The following SGCZ variants were observed in gnomAD, a reference collection of about 807,000 sequenced individuals.
SGCZ encodes zeta-sarcoglycan.
A neutral mutation model predicts 41.3 loss-of-function variants in SGCZ; 40 were observed. That is an observed-to-expected ratio of 0.97 (90% CI 0.75 to 1.26). The LOEUF is 1.26. Among genes scored for constraint, SGCZ ranks in the 50% most tolerant of loss-of-function variants. The pLI is 0.00. For missense variants in SGCZ, 552 were observed against 369.8 expected (o/e 1.49, Z -4.04); for synonymous variants, 206 against 137.5 (o/e 1.50, Z -3.49).
At chr8:14,954,637 G>A (rs1225870992) in intron 1 of SGCZ, among the ~76,000 whole-genome samples, 2 of 152,280 alleles carry the variant, frequency 1.3e-5, no homozygotes, top group Non-Finnish European at 2.9e-5. Context: ...GCAATGGGCA[G>A]CTTCCAGCCA....
At chr8:14,797,751 C>T (rs1202820354) in intron 1 of SGCZ, among the ~76,000 whole-genome samples, 1 of 152,118 alleles carries the variant, frequency 6.6e-6, no homozygotes, top group Non-Finnish European at 1.5e-5. Context: ...TAATGGTTTC[C>T]TGGGGTGGGT....
chr8:14,232,424 C>A (rs1163541423), intron 4 of SGCZ, among the ~76,000 whole-genome samples: 1 of 151,964 alleles, frequency 6.6e-6, no homozygotes, highest in Non-Finnish European at 1.5e-5. Context: ...ATAATAAATA[C>A]AAATATCACT....
intron 2 of SGCZ, among the ~76,000 whole-genome samples, chr8:14,474,169 A>G (rs1325172278): frequency 6.6e-6 from 1 of 152,198 alleles, no homozygotes; most frequent in Non-Finnish European, 1.5e-5. Context: ...TATTCTCTAA[A>G]TAAACAAACC....
chr8:14,209,516 T>C (rs1805728076), intron 4 of SGCZ, among the ~76,000 whole-genome samples: 1 of 152,120 alleles, frequency 6.6e-6, no homozygotes, highest in Non-Finnish European at 1.5e-5. Flanking sequence ...TCCTATTACA[T>C]AAGAAGTGCT....
chr8:14,278,138 G>A (rs749704865), intron 3 of SGCZ, among the ~76,000 whole-genome samples: 4 of 151,912 alleles, frequency 2.6e-5, no homozygotes, highest in African/African-American at 4.8e-5. Context: ...GTCTGGTTTG[G>A]CTAGCTCATT....
chr8:15,060,137 A>C (rs1180575788), intron 1 of SGCZ, among the ~76,000 whole-genome samples: 1 of 152,120 alleles, frequency 6.6e-6, no homozygotes, highest in Non-Finnish European at 1.5e-5. Flanking sequence ...TAGAACTAGA[A>C]ATACCATTTG....
chr8:14,346,039 A>C (rs551044062), intron 2 of SGCZ, among the ~76,000 whole-genome samples: 8 of 152,220 alleles, frequency 5.3e-5, no homozygotes, highest in African/African-American at 1.9e-4. Context: ...AACCCCCTAG[A>C]ATATACAACA....
intron 1 of SGCZ, among the ~76,000 whole-genome samples, chr8:15,168,467 C>T (rs544010374): frequency 1.3e-5 from 2 of 152,102 alleles, no homozygotes; most frequent in African/African-American, 2.4e-5. Context: ...TAGCTCCCCC[C>T]ACAACCCAAC....
At chr8:15,148,311 G>A (rs17471917) in intron 1 of SGCZ, among the ~76,000 whole-genome samples, 9,425 of 152,176 alleles carry the variant, frequency 0.062, 412 homozygotes, top group Non-Finnish European at 0.096. Flanking sequence ...AGTTGCTATC[G>A]GACATCAGGT....
At chr8:14,217,628 GTT>G (rs1168241820) in intron 4 of SGCZ, among the ~76,000 whole-genome samples, 1,952 of 100,760 alleles carry the variant, frequency 0.019, 23 homozygotes, top group African/African-American at 0.074. Context: ...TTCAACTAAA[GTT>G]TTTTTTTTTT....
intron 1 of SGCZ, among the ~76,000 whole-genome samples, chr8:14,749,224 T>C (rs973606218): frequency 2.0e-5 from 3 of 152,204 alleles, no homozygotes; most frequent in African/African-American, 7.2e-5. Flanking sequence ...TGATTTACTT[T>C]ATCACTGGAC....
intron 2 of SGCZ, among the ~76,000 whole-genome samples, chr8:14,457,829 G>C (rs1188390677): frequency 6.6e-6 from 1 of 152,108 alleles, no homozygotes; most frequent in African/African-American, 2.4e-5. Flanking sequence ...CTTCTGCCTT[G>C]TATCCAATAA....
intron 1 of SGCZ, among the ~76,000 whole-genome samples, chr8:15,016,529 G>A (rs546908961): frequency 5.9e-5 from 9 of 152,158 alleles, no homozygotes; most frequent in Non-Finnish European, 1.3e-4. Context: ...TCTTCCAGGG[G>A]CGTAGACCAG....
intron 3 of SGCZ, among the ~76,000 whole-genome samples, chr8:14,245,296 C>G (rs1203235718): frequency 1.3e-5 from 2 of 152,128 alleles, no homozygotes; most frequent in African/African-American, 4.8e-5. Context: ...CGCCGCATAT[C>G]TACAACTATC....
intron 2 of SGCZ, among the ~76,000 whole-genome samples, chr8:14,498,211 T>C (rs936577208): frequency 6.6e-6 from 1 of 152,232 alleles, no homozygotes; most frequent in Non-Finnish European, 1.5e-5. Flanking sequence ...CTGATAACTT[T>C]GTATGCCAGC....
intron 4 of SGCZ, among the ~76,000 whole-genome samples, chr8:14,200,685 A>T (rs1258696832): frequency 6.6e-6 from 1 of 152,210 alleles, no homozygotes; most frequent in African/African-American, 2.4e-5. Context: ...AATAGATTAT[A>T]AACTAGAAGC....
chr8:15,159,264 C>T (rs1289232533), intron 1 of SGCZ, among the ~76,000 whole-genome samples: 1 of 152,148 alleles, frequency 6.6e-6, no homozygotes, highest in African/African-American at 2.4e-5. Context: ...CATGGGAGCT[C>T]ACCACCACAA....
chr8:14,859,286 G>C (rs1477968368), intron 1 of SGCZ, among the ~76,000 whole-genome samples: 1 of 152,008 alleles, frequency 6.6e-6, no homozygotes, highest in Non-Finnish European at 1.5e-5. Context: ...GTGTATAGCA[G>C]TAAAGACTAT....
rs546131304 is a variant in SGCZ at position 14,575,162 on chromosome 8, G to A, written c.40-20236C>T. On this transcript the variant is annotated intron_variant, in intron 1 of 7. Transcript: ENST00000382080. ...AAGACTGGAGAATAAATAATTTTGG[G>A]AAAAGTAAAATCAGTAGTTACCTTT... 3.4e-4 allele frequency among the ~76,000 whole-genome samples: 52 copies of A among 152,274 alleles called. 3 individuals are homozygous for A. In the South Asian group the frequency reaches 0.011, roughly 31 times the overall value.
Sources: allele counts gnomAD v4.1 joint callset (sites outside exome capture counted in the v4.1 genomes callset), GRCh38; gene constraint gnomAD v4.1.1; transcripts MANE v1.5; gene names NCBI Gene and HGNC (gene_info 2026-07-23, HGNC 2026-07-21).